TPPP2: variants seen among roughly 807,000 people sequenced by gnomAD.
TPPP2 encodes tubulin polymerization-promoting protein family member 2.
In TPPP2, 8 loss-of-function variants were observed where a neutral mutation model predicts 13.0. The ratio of observed to expected loss-of-function variants is 0.62; its 90% CI spans 0.36 to 1.11. TPPP2 has a LOEUF of 1.11. Among genes scored for constraint, TPPP2 ranks in the 50% most tolerant of loss-of-function variants. TPPP2 has a pLI of 0.02. For synonymous variants in TPPP2, 81 were observed against 81.8 expected, an observed-to-expected ratio of 0.99 and a Z score of 0.05; for missense variants, 213 against 216.9, an observed-to-expected ratio of 0.98 and a Z score of 0.11.
downstream of TPPP2, chr14:21,033,203 C>A: frequency 8.8e-6 from 3 of 340,232 alleles, no homozygotes; most frequent in Non-Finnish European, 1.1e-5. Flanking sequence ...GTCCTAGGCT[C>A]CATGGTAAGA....
At chr14:21,024,729 C>T (rs1008307931) in intron 1 of TPPP2, 1 of 985,472 alleles carries the variant, frequency 1.0e-6, no homozygotes, top group Non-Finnish European at 1.2e-6. Flanking sequence ...GGAGACCGGC[C>T]GGGCCCAGCA....
Position 21,030,587 on chromosome 14 carries a change from A to T in TPPP2, c.6A>T (p.Ala2=). 1 of 1,613,384 alleles carries T rather than the reference A, an allele frequency of 6.2e-7. No individual in the cohort carries two copies. The highest frequency in any genetic ancestry group is 8.5e-7 in the Non-Finnish European group (1 of 1,179,772). The change falls in exon 2 of 4, where the codon GCA becomes GCT. Residue 2 remains alanine (A), a synonymous_variant. Coordinates refer to ENST00000321760, the MANE Select transcript of TPPP2 (RefSeq NM_173846.5). The part of the protein sequence containing the change: M[A]SEAEKTFHRF... Reference sequence around the variant, plus strand: ...TCCCCGACCTCTAGCTGACCATGGCATCAGAGGCAGAAAAAACATTCCATC... The same window carrying T: ...TCCCCGACCTCTAGCTGACCATGGCTTCAGAGGCAGAAAAAACATTCCATC...
At chr14:21,028,317 TC>T (rs1454818508), upstream of TPPP2, 3 of 152,104 alleles carry the variant, frequency 2.0e-5, no homozygotes, top group Non-Finnish European at 4.4e-5. Context: ...GCTGACACAA[TC>T]CTAGTTCACT....
chr14:21,030,977 C>G, intron 2 of TPPP2, 35 bp from the exon 3 acceptor site: 1 of 1,579,500 alleles, frequency 6.3e-7, no homozygotes, highest in Non-Finnish European at 8.6e-7. Flanking sequence ...TGCATTCATG[C>G]TCCAAAGTTT....
Position 21,030,643 on chromosome 14 carries a change from G to T in TPPP2, c.62G>T (p.Ser21Ile). Residue 21 changes from serine (S) to isoleucine (I), a missense_variant, in exon 2 of 4, where the codon AGT becomes ATT. Physicochemically the swap from Ser to Ile is moderately radical, Grantham distance 142. Coordinates refer to ENST00000321760, the MANE Select transcript of TPPP2 (RefSeq NM_173846.5). ...GCTGCGTTTGGAGAATCATCAAGCA[G>T]TGGCACTGAAATGAACAACAAGAAC... ...RFAAFGESSS[S>I]GTEMNNKNFS... 1 of 1,610,054 alleles carries T rather than the reference G, an allele frequency of 6.2e-7. No homozygotes were observed. Among genetic ancestry groups the T allele is most frequent in the Non-Finnish European group, 8.5e-7 (1 of 1,176,222 alleles).
chr14:21,024,779 G>C (rs1882902754), intron 1 of TPPP2: 1 of 985,432 alleles, frequency 1.0e-6, no homozygotes, highest in South Asian at 4.7e-5. Flanking sequence ...CAGCCCGTCC[G>C]CGTGGAGACT....
chr14:21,031,278 T>C (rs1476925911), intron 3 of TPPP2, 113 bp downstream of exon 3: 1 of 1,379,350 alleles, frequency 7.2e-7, no homozygotes, highest in Non-Finnish European at 9.7e-7. Flanking sequence ...CGAAACAGAC[T>C]TTAGAGATCA....
At chr14:21,031,284 G>A (rs1034947816) in intron 3 of TPPP2, 119 bp downstream of exon 3, 4 of 1,341,578 alleles carry the variant, frequency 3.0e-6, no homozygotes, top group Non-Finnish European at 4.0e-6. Context: ...AGACTTTAGA[G>A]ATCATCTAGA....
downstream of TPPP2, chr14:21,033,828 G>A (rs200219413): frequency 3.5e-4 from 569 of 1,607,572 alleles, no homozygotes; most frequent in Middle Eastern, 2.2e-3. Flanking sequence ...TTAAATTCCC[G>A]AATAGAGACC....
Position 21,031,956 on chromosome 14 carries a change from A to G in TPPP2, c.392A>G (p.Lys131Arg), listed in dbSNP as rs144073409. Reference sequence around the variant, plus strand: ...ACCAGCAAGTACACCGGCACCCACAAGGAGCGCTTTGATGAGAGTGGCAAG... The same window carrying G: ...ACCAGCAAGTACACCGGCACCCACAGGGAGCGCTTTGATGAGAGTGGCAAG... ...TDTSKYTGTH[K>R]ERFDESGKGK... The change falls in exon 4 of 4, where the codon AAG (lysine) becomes AGG (arginine). Residue 131 changes from lysine to arginine, a missense_variant. Transcript: ENST00000321760. The G allele has an allele frequency of 1.3e-4, 215 of 1,614,082 alleles. No individual in the cohort carries two copies. Among genetic ancestry groups the G allele is most frequent in the Non-Finnish European group, 1.7e-4 (202 of 1,180,034 alleles).
upstream of TPPP2, chr14:21,025,313 TGGGGCGGTGTGGGGAGTGCGG>T (rs1883326967): frequency 1.0e-6 from 1 of 954,622 alleles, no homozygotes; most frequent in African/African-American, 1.8e-5. The surrounding 1 kb of genome is among the most constrained non-coding windows in gnomAD (Gnocchi z 5.1). Context: ...CTCCCCGCAT[TGGGGCGGTGTGGGGAGTGCGG>T]GGATCCCTCA....
Position 21,032,591 on chromosome 14 carries a change from C to G in TPPP2, c.*514C>G, listed in dbSNP as rs920948155. The G allele has an allele frequency of 8.7e-6, 3 of 344,820 alleles. No individual in the cohort carries two copies. The highest frequency in any genetic ancestry group is 1.7e-5 in the Non-Finnish European group (3 of 176,888). The allele number at this position is 344,820 out of a possible 1,614,324, so 21.4% of individuals were successfully genotyped here. A position where few individuals can be genotyped will look rare whatever the true frequency, so the allele number is the denominator to read the frequency against. On this transcript the variant is annotated 3_prime_UTR_variant, in exon 4 of 4. Coordinates refer to ENST00000321760, the MANE Select transcript of TPPP2 (RefSeq NM_173846.5). ...AGCTAAGGTTGCCTGACTTCTATTA[C>G]AAATTTGTTCCAGAGCTGGGGTAAG... is the stretch of plus-strand genomic sequence containing the variant.
downstream of TPPP2, among the ~76,000 whole-genome samples, chr14:21,035,530 G>A (rs1256437951): frequency 6.6e-6 from 1 of 152,180 alleles, no homozygotes; most frequent in African/African-American, 2.4e-5. Context: ...TAGTCTGCAA[G>A]GTGTCTTCCA....
rs539051980 is a variant in TPPP2 at position 21,031,868 on chromosome 14, C to T, written c.328-24C>T. On this transcript the variant is annotated intron_variant, in intron 3 of 3. Coordinates refer to ENST00000321760, the MANE Select transcript of TPPP2 (RefSeq NM_173846.5). Reference sequence around the variant, plus strand: ...TGACAGCGTAAGGAAAGGAAGAGAGCTCAAATCCATCCCTGGCTTGCAGAA... The same window carrying T: ...TGACAGCGTAAGGAAAGGAAGAGAGTTCAAATCCATCCCTGGCTTGCAGAA... The T allele has an allele frequency of 4.4e-6, 7 of 1,608,624 alleles. No homozygotes were observed. In the Admixed American group the frequency reaches 6.7e-5, roughly 15 times the overall value.
At chr14:21,024,930 C>A in intron 1 of TPPP2, 14 of 985,616 alleles carry the variant, frequency 1.4e-5, no homozygotes, top group Non-Finnish European at 1.7e-5. Flanking sequence ...CCCTTTCCCC[C>A]GAGCCTCCAG....
At chr14:21,031,342 C>A in intron 3 of TPPP2, 177 bp downstream of exon 3, 1 of 750,248 alleles carries the variant, frequency 1.3e-6, no homozygotes, top group Non-Finnish European at 2.0e-6. Flanking sequence ...AAGTGACTTG[C>A]CCAAGGTCCA....
chr14:21,034,928 A>C (rs1344481848), downstream of TPPP2: 1 of 152,472 alleles, frequency 6.6e-6, no homozygotes, highest in African/African-American at 2.4e-5. Flanking sequence ...CCTTGCCAAA[A>C]GTTCCTAAGT....
At chr14:21,024,513 G>A (rs1045929357) in intron 1 of TPPP2, 1 of 985,210 alleles carries the variant, frequency 1.0e-6, no homozygotes, top group African/African-American at 1.7e-5. Context: ...TCTCCAGTAA[G>A]AGGAGGGTAG....
downstream of TPPP2, chr14:21,033,980 G>A (rs929121700): frequency 1.2e-6 from 2 of 1,613,880 alleles, no homozygotes; most frequent in Non-Finnish European, 1.7e-6. Flanking sequence ...GGGAATCCTG[G>A]GTGAGTGTGC....
Sources: gnomAD v4.1 joint callset for allele counts (sites outside exome capture counted in the v4.1 genomes callset) on GRCh38, gnomAD v4.1.1 for gene constraint, Gnocchi (gnomAD v3.1) non-coding constraint, MANE v1.5 for transcripts, NCBI Gene and HGNC (gene_info 2026-07-23, HGNC 2026-07-21) for gene names.